The following ZNF236 variants were observed in gnomAD, a reference collection of about 807,000 sequenced individuals.
ZNF236 encodes regulated by glucose.
A neutral mutation model predicts 191.2 loss-of-function variants in ZNF236; 50 were observed. The ratio of observed to expected loss-of-function variants is 0.26; its 90% CI spans 0.21 to 0.33. The LOEUF (loss-of-function observed/expected upper bound fraction) is 0.33, where lower values mean the gene tolerates loss of function less well. Ranked by LOEUF, ZNF236 falls within the 10% of genes least tolerant of loss-of-function variation. The pLI, the probability that ZNF236 is intolerant of heterozygous loss-of-function variation, is 1.00. For synonymous variants in ZNF236, 907 were observed against 928.8 expected, an observed-to-expected ratio of 0.98 and a Z score of 0.43; for missense variants, 1,754 against 2,374.5, an observed-to-expected ratio of 0.74 and a Z score of 5.43.
chr18:76,937,318 C>T lies in ZNF236; in HGVS notation c.4757C>T (p.Thr1586Ile). ...GGTATGCTATCTGGAGGCCTGGACA[C>T]TGTCACACTCAACATCACCTCTCAG... is the stretch of plus-strand genomic sequence containing the variant. ...TQGMLSGGLD[T>I]VTLNITSQGQ... Residue 1586 changes from threonine (T) to isoleucine (I), a missense_variant, in exon 26 of 31, where the codon ACT becomes ATT. Thr to Ile is a moderately conservative substitution (Grantham distance 89, BLOSUM62 -1). Transcript: ENST00000320610. 1 of 1,613,112 alleles carries T rather than the reference C, an allele frequency of 6.2e-7. No individual in the cohort carries two copies.
In ZNF236 at chr18:76,844,907, T is replaced by A. The variant is rs368918819; in HGVS notation, c.56-4619T>A. Among the ~76,000 whole-genome samples the A allele has an allele frequency of 2.0e-5, 3 of 152,336 alleles. No individual in the cohort carries two copies. In the East Asian group the frequency reaches 5.8e-4, roughly 29 times the overall value. On this transcript the variant is annotated intron_variant, in intron 1 of 30. Transcript: ENST00000320610. ...CAAGTCATGACAGACCAGGCCTGAA[T>A]ACAGTCATGGAATAGCAGGATTATG...
At chr18:76,954,293 C>T (rs985650482) in intron 27 of ZNF236, among the ~76,000 whole-genome samples, 2 of 152,194 alleles carry the variant, frequency 1.3e-5, no homozygotes, top group African/African-American at 2.4e-5. Context: ...ATATTGAATT[C>T]TCACATCTCA....
chr18:76,914,918 A>G (rs888543810), intron 18 of ZNF236, among the ~76,000 whole-genome samples: 1 of 152,232 alleles, frequency 6.6e-6, no homozygotes, highest in East Asian at 1.9e-4. Flanking sequence ...CTGCTTAGAA[A>G]CATAGAGCCA....
intron 27 of ZNF236, 90 bp from the exon 28 acceptor site, chr18:76,955,895 G>A: frequency 7.1e-7 from 1 of 1,413,594 alleles, no homozygotes; most frequent in Non-Finnish European, 9.8e-7. Context: ...TGCTAGGAAT[G>A]TCCCTCTTAT....
At chr18:76,849,491 T>C in intron 1 of ZNF236, 35 bp from the exon 2 acceptor site, 1 of 1,507,520 alleles carries the variant, frequency 6.6e-7, no homozygotes, top group Non-Finnish European at 8.9e-7. Context: ...GAATAACAAC[T>C]GGTATTTATT....
Position 76,937,255 on chromosome 18 carries a change from G to A in ZNF236, c.4694G>A (p.Gly1565Asp). ...NLVMSSSGVG[G>D]DASVTLTLAD... Reference sequence around the variant, plus strand: ...GTCATGTCCTCGTCGGGCGTGGGAGGTGACGCTAGTGTCACGCTGACGCTG... The same window carrying A: ...GTCATGTCCTCGTCGGGCGTGGGAGATGACGCTAGTGTCACGCTGACGCTG... The change falls in exon 26 of 31, where the codon GGT (glycine) becomes GAT (aspartate). Residue 1565 changes from glycine to aspartate, a missense_variant. Gly to Asp is a moderately conservative substitution (Grantham distance 94). Around this residue, in one of 5 missense-constraint regions of ZNF236, gnomAD observed 606 missense variants for 761.5 expected, o/e 0.80. Coordinates refer to ENST00000320610, the MANE Select transcript of ZNF236 (RefSeq NM_001306089.2). 6.2e-7 allele frequency: 1 copy of A among 1,614,134 alleles called. No homozygotes were observed. Among genetic ancestry groups the A allele is most frequent in the Non-Finnish European group, 8.5e-7 (1 of 1,180,022 alleles).
At chr18:76,926,791 G>C (rs1388254718) in intron 22 of ZNF236, among the ~76,000 whole-genome samples, 1 of 147,776 alleles carries the variant, frequency 6.8e-6, no homozygotes, top group African/African-American at 2.5e-5. Flanking sequence ...AGGGTGATTA[G>C]ACAGTGTGTG....
At chr18:76,886,579 G>A (rs1159377237) in intron 9 of ZNF236, 1 of 175,292 alleles carries the variant, frequency 5.7e-6, no homozygotes, top group Non-Finnish European at 1.2e-5. Context: ...TCTGTAAACC[G>A]TGTAGCCTAC....
chr18:76,865,983 C>T (rs900848565), intron 3 of ZNF236, among the ~76,000 whole-genome samples: 2 of 152,190 alleles, frequency 1.3e-5, no homozygotes, highest in African/African-American at 4.8e-5. Context: ...CTAAAATTCA[C>T]ACTGGTCACT....
rs949042654 is a variant in ZNF236, at chr18:76,925,969, T to G, written c.4027+415T>G. ...AGTGTTACATTTTAGCTAGTTGTGT[T>G]GATTTGTGTGCCTGTGAGTAAATGC... On this transcript the variant is annotated intron_variant, in intron 22 of 30. Transcript: ENST00000320610. The surrounding 1 kb of genome is among the most constrained non-coding windows in gnomAD (Gnocchi z 5.7). 8.5e-5 allele frequency among the ~76,000 whole-genome samples: 13 copies of G among 152,162 alleles called. No homozygotes were observed. Among genetic ancestry groups the G allele is most frequent in the Non-Finnish European group, 1.9e-4 (13 of 68,038 alleles).
At chr18:76,912,162 C>T in intron 16 of ZNF236, 82 bp from the exon 17 acceptor site, 1 of 1,006,126 alleles carries the variant, frequency 9.9e-7, no homozygotes. Flanking sequence ...ATGTTCTTAT[C>T]CTTAGTTCTT....
chr18:76,903,753 A>G (rs1361134866), intron 11 of ZNF236, among the ~76,000 whole-genome samples: 3 of 152,092 alleles, frequency 2.0e-5, no homozygotes, highest in African/African-American at 4.8e-5. Context: ...TATTTATTAC[A>G]TGGTCAACCT....
intron 25 of ZNF236, among the ~76,000 whole-genome samples, chr18:76,929,676 A>G (rs1967797468): frequency 6.6e-6 from 1 of 152,258 alleles, no homozygotes; most frequent in Non-Finnish European, 1.5e-5. Context: ...AGTTAATGAA[A>G]TAAGTTTGGT....
At chr18:76,840,230 C>T (rs1975440935) in intron 1 of ZNF236, among the ~76,000 whole-genome samples, 1 of 152,326 alleles carries the variant, frequency 6.6e-6, no homozygotes, top group Non-Finnish European at 1.5e-5. Flanking sequence ...TGCGGTGGCT[C>T]ACGCCTGTGA....
Position 76,910,060 on chromosome 18 carries a change from A to T in ZNF236, c.2552-8A>T. 1 of 1,602,908 alleles carries T rather than the reference A, an allele frequency of 6.2e-7. No homozygotes were observed. Among genetic ancestry groups the T allele is most frequent in the Non-Finnish European group, 8.5e-7 (1 of 1,171,428 alleles). On this transcript the variant is annotated splice_region_variant and splice_polypyrimidine_tract_variant and intron_variant, in intron 14 of 30. Coordinates refer to ENST00000320610, the MANE Select transcript of ZNF236 (RefSeq NM_001306089.2). ...TATGCGTCCCCCTTTTTTACATCTC[A>T]TCCTCAGATGGGTTTGTGGCTCCAC...
At position 76,880,241 on chromosome 18, in the gene ZNF236, G is replaced by A. The variant is rs62113125; in HGVS notation, c.1113G>A (p.Pro371=). The change falls in exon 8 of 31, where the codon CCG becomes CCA. Residue 371 remains proline (P), a synonymous_variant. Transcript: ENST00000320610. This position sits in a 1 kb window ranked among gnomAD's most constrained non-coding sequence, Gnocchi z 5.0. ...TCCTGGAGCTCTCAGAGCCGGCGCC[G>A]GTGGAGTCGGGGCAGTCCCCGCAGC... The part of the protein sequence containing the change: ...QQLLELSEPA[P]VESGQSPQPG... 1.1e-5 allele frequency: 17 copies of A among 1,613,954 alleles called. 1 individual carries two copies. In the East Asian group the frequency reaches 1.8e-4, roughly 17 times the overall value.
rs79927715 is a variant in ZNF236 at position 76,877,740 on chromosome 18, A to G, written c.841-269A>G. The stretch of plus-strand genomic sequence containing the variant: ...CAGTTTGTTTTTGTTAAATTACAAT[A>G]ATTGAAAAATGTGTTTTCTCACTCT... On this transcript the variant is annotated intron_variant, in intron 6 of 30. Transcript: ENST00000320610. 4.5e-3 allele frequency among the ~76,000 whole-genome samples: 688 copies of G among 152,344 alleles called. 4 individuals carry two copies. Among genetic ancestry groups the G allele is most frequent in the Non-Finnish European group, 7.8e-3 (528 of 68,032 alleles).
At chr18:76,942,243 A>C (rs1232500795) in intron 26 of ZNF236, among the ~76,000 whole-genome samples, 2 of 152,226 alleles carry the variant, frequency 1.3e-5, no homozygotes, top group Non-Finnish European at 2.9e-5. Flanking sequence ...CAATGTGAAG[A>C]AATCAAGTTG....
intron 3 of ZNF236, among the ~76,000 whole-genome samples, chr18:76,857,407 C>T (rs1166488869): frequency 1.3e-5 from 2 of 152,134 alleles, no homozygotes; most frequent in East Asian, 1.9e-4. Flanking sequence ...CCTCCTCTGC[C>T]GTGGTTTTGT....
Sources: gnomAD v4.1 joint callset for allele counts (sites outside exome capture counted in the v4.1 genomes callset) on GRCh38, gnomAD v4.1.1 for gene constraint, gnomAD v4.1.1 regional missense constraint, Gnocchi (gnomAD v3.1) non-coding constraint, MANE v1.5 for transcripts, NCBI Gene and HGNC (gene_info 2026-07-23, HGNC 2026-07-21) for gene names.